ALDH1L1: variants seen among roughly 807,000 people sequenced by gnomAD.
ALDH1L1 encodes the protein aldehyde dehydrogenase 1 family member L1.
ALDH1L1 carries 68 observed loss-of-function variants against 101.1 expected under a neutral mutation model. The observed-to-expected ratio is 0.67, with a 90% confidence interval of 0.55 to 0.82. The LOEUF (loss-of-function observed/expected upper bound fraction) is 0.82, where lower values mean the gene tolerates loss of function less well. Ranked by LOEUF, ALDH1L1 falls within the 40% of genes least tolerant of loss-of-function variation. The pLI, the probability that ALDH1L1 is intolerant of heterozygous loss-of-function variation, is 0.00. For missense variants in ALDH1L1, 1,087 were observed against 1,172.7 expected (o/e 0.93, Z 1.07); for synonymous variants, 486 against 470.8 (o/e 1.03, Z -0.42).
rs376546018 is a variant in ALDH1L1, at chr3:126,124,464, C to T, written c.1801-13G>A. 46 of 1,606,688 alleles carry T rather than the reference C, an allele frequency of 2.9e-5. No homozygotes were observed. The African/African-American group carries it at 6.0e-4, about 21-fold the overall frequency. On this transcript the variant is annotated splice_polypyrimidine_tract_variant and intron_variant, in intron 15 of 22. Transcript: ENST00000393434. ...TGAGTGGGGTCACCTGGGTGTGGGG[C>T]CAGGAAAGGAGACTGGGTAAGGAGG...
intron 19 of ALDH1L1, chr3:126,110,345 G>A (rs1323715721): frequency 8.7e-6 from 5 of 575,430 alleles, no homozygotes; most frequent in Non-Finnish European, 1.5e-5. Flanking sequence ...CATATGGGCT[G>A]GAAATGGAGA....
chr3:126,120,386 A>G (rs2080056045), intron 16 of ALDH1L1, among the ~76,000 whole-genome samples: 1 of 152,238 alleles, frequency 6.6e-6, no homozygotes, highest in African/African-American at 2.4e-5. Context: ...AAGCCCGCAT[A>G]TGATTGCAAT....
At position 126,158,617 on chromosome 3, in the gene ALDH1L1, T is replaced by A; in HGVS notation, c.150A>T (p.Gly50=). The change falls in exon 3 of 23, where the codon GGA becomes GGT. Residue 50 remains glycine (G), a synonymous_variant. Transcript: ENST00000393434. ...DPLGLEAEKD[G]VPVFKYSRWR... ...ACCGGGAGTACTTGAATACCGGCAC[T>A]CCATCCTTCTCAGCTTCCAGACCTG... The A allele has an allele frequency of 2.5e-6, 4 of 1,612,946 alleles. No individual in the cohort carries two copies. The highest frequency in any genetic ancestry group is 3.4e-6 in the Non-Finnish European group (4 of 1,179,040).
intron 21 of ALDH1L1, among the ~76,000 whole-genome samples, 189 bp from the exon 22 acceptor site, chr3:126,106,114 T>C (rs1484676523): frequency 6.6e-6 from 1 of 152,116 alleles, no homozygotes; most frequent in Non-Finnish European, 1.5e-5. Context: ...CAGAGGCCCA[T>C]GGGCAGGTGG....
chr3:126,112,640 T>C (rs1946114670), intron 19 of ALDH1L1, 142 bp downstream of exon 19: 1 of 720,174 alleles, frequency 1.4e-6, no homozygotes, highest in African/African-American at 1.8e-5. Flanking sequence ...CGCTGTGGGT[T>C]CCCTGACCCC....
At chr3:126,149,851 G>A (rs2080774264) in intron 8 of ALDH1L1, among the ~76,000 whole-genome samples, 1 of 152,198 alleles carries the variant, frequency 6.6e-6, no homozygotes, top group Admixed American at 6.5e-5. Flanking sequence ...TCCACCCAGG[G>A]AAGAAGGATA....
rs765642379 is a variant in ALDH1L1, at chr3:126,157,542, G to A, written c.363-34C>T. ...CAGAAGAGTGAAACCTGGAGTCCAC[G>A]ATGAAGGGCCACGGAGGATGTCCTG... On this transcript the variant is annotated intron_variant, in intron 3 of 22. Transcript: ENST00000393434. The A allele has an allele frequency of 5.6e-6, 9 of 1,604,106 alleles. No individual in the cohort carries two copies. The Admixed American group carries it at 8.4e-5, about 15-fold the overall frequency.
intron 7 of ALDH1L1, chr3:126,152,134 C>G (rs563618592): frequency 6.6e-6 from 1 of 152,196 alleles, no homozygotes; most frequent in African/African-American, 2.4e-5. Flanking sequence ...ACAAAGAGGC[C>G]GAGGGATTAT....
At chr3:126,174,048 T>A (rs1216536711) in intron 1 of ALDH1L1, among the ~76,000 whole-genome samples, 1 of 152,234 alleles carries the variant, frequency 6.6e-6, no homozygotes, top group Non-Finnish European at 1.5e-5. Flanking sequence ...ACTAACGTTT[T>A]TTTTGGGGGG....
chr3:126,192,218 C>T (rs914339933), intron 1 of ALDH1L1, among the ~76,000 whole-genome samples: 1 of 152,210 alleles, frequency 6.6e-6, no homozygotes, highest in East Asian at 1.9e-4. Flanking sequence ...ATCCTTGTCC[C>T]TTGATTTTTT....
At chr3:126,104,025 T>C (rs1945771016) in intron 22 of ALDH1L1, 179 bp from the exon 23 acceptor site, 1 of 664,746 alleles carries the variant, frequency 1.5e-6, no homozygotes, top group South Asian at 1.8e-5. Context: ...TGGCAGTGGA[T>C]AGTGGGCCAG....
chr3:126,167,406 C>CA (rs1410387072), intron 1 of ALDH1L1, among the ~76,000 whole-genome samples: 5 of 151,742 alleles, frequency 3.3e-5, no homozygotes, highest in African/African-American at 9.7e-5. Flanking sequence ...CCTAAAAAGG[C>CA]AAAAAAAGTT....
intron 16 of ALDH1L1, among the ~76,000 whole-genome samples, chr3:126,118,860 C>G (rs564077562): frequency 6.6e-6 from 1 of 152,134 alleles, no homozygotes; most frequent in Non-Finnish European, 1.5e-5. Context: ...CCCCGTCCCA[C>G]GCCCCCAGCC....
At chr3:126,172,411 TA>T (rs1317659826) in intron 1 of ALDH1L1, among the ~76,000 whole-genome samples, 1 of 151,932 alleles carries the variant, frequency 6.6e-6, no homozygotes, top group Non-Finnish European at 1.5e-5. Context: ...AGTCTAGAAA[TA>T]AAAACCCTGT....
chr3:126,167,165 C>T (rs576097018), intron 1 of ALDH1L1, among the ~76,000 whole-genome samples: 2 of 152,112 alleles, frequency 1.3e-5, no homozygotes, highest in South Asian at 4.1e-4. Context: ...TATAACAAAA[C>T]CCAAGAGTCT....
intron 16 of ALDH1L1, among the ~76,000 whole-genome samples, chr3:126,118,838 C>A (rs998581407): frequency 1.3e-5 from 2 of 152,116 alleles, no homozygotes; most frequent in Non-Finnish European, 2.9e-5. Context: ...CCAGGGAATG[C>A]CGTGATTCCT....
At chr3:126,155,242 G>A (rs904276160) in intron 5 of ALDH1L1, among the ~76,000 whole-genome samples, 160 bp downstream of exon 5, 1 of 152,102 alleles carries the variant, frequency 6.6e-6, no homozygotes, top group Non-Finnish European at 1.5e-5. Flanking sequence ...CCTCCTCCAC[G>A]GCTCTCTTCA....
rs375662709 is a variant in ALDH1L1, at chr3:126,172,939, TAGAA to T, written c.-24+7533_-24+7536del. The stretch of plus-strand genomic sequence containing the variant: ...ATAAACCATGCAATCAGGAATAGAA[TAGAA>T]AGAATTATTTAAAGAACTGAAAACA... On this transcript the variant is annotated intron_variant, in intron 1 of 22. Transcript: ENST00000393434. 8.4e-3 allele frequency among the ~76,000 whole-genome samples: 1,284 copies of T among 152,172 alleles called. 13 individuals carry two copies. Among genetic ancestry groups the T allele is most frequent in the African/African-American group, 0.03 (1,236 of 41,504 alleles).
chr3:126,179,022 T>C (rs551870799), intron 1 of ALDH1L1, among the ~76,000 whole-genome samples: 1 of 151,902 alleles, frequency 6.6e-6, no homozygotes, highest in African/African-American at 2.4e-5. Context: ...GTTGTCACAG[T>C]CCAGGGAAAG....
Sources: gnomAD v4.1 joint callset for allele counts (sites outside exome capture counted in the v4.1 genomes callset) on GRCh38, gnomAD v4.1.1 for gene constraint, MANE v1.5 for transcripts, NCBI Gene and HGNC (gene_info 2026-07-23, HGNC 2026-07-21) for gene names.